CENPP: variants seen among roughly 807,000 people sequenced by gnomAD.
CENPP encodes centromere protein P.
CENPP carries 24 observed loss-of-function variants against 35.6 expected under a neutral mutation model. The observed-to-expected ratio is 0.67, with a 90% CI of 0.49 to 0.95. The LOEUF is 0.95. Ranked by LOEUF, CENPP falls within the 40% of genes least tolerant of loss-of-function variation. CENPP has a pLI of 0.00. For synonymous variants in CENPP, 120 were observed against 125.5 expected, an observed-to-expected ratio of 0.96 and a Z score of 0.29; for missense variants, 332 against 345.3, an observed-to-expected ratio of 0.96 and a Z score of 0.31.
chr9:92,386,292 A>G, intron 5 of CENPP: 3 of 1,609,182 alleles, frequency 1.9e-6, no homozygotes, highest in East Asian at 2.2e-5. Flanking sequence ...GAGGTTATTC[A>G]GTTTCTGTAA....
At chr9:92,523,938 C>T (rs926710506) in intron 5 of CENPP, among the ~76,000 whole-genome samples, 1 of 152,202 alleles carries the variant, frequency 6.6e-6, no homozygotes, top group African/African-American at 2.4e-5. Flanking sequence ...TGCAGGCACT[C>T]CATAAGCCTT....
At chr9:92,570,864 A>G (rs978924170) in intron 5 of CENPP, among the ~76,000 whole-genome samples, 31 of 152,132 alleles carry the variant, frequency 2.0e-4, no homozygotes, top group African/African-American at 5.8e-4. Flanking sequence ...GTTTATTTGC[A>G]TAGAGGTGTT....
rs561543639 is a variant in CENPP at position 92,572,941 on chromosome 9, C to A, written c.565-38373C>A. On this transcript the variant is annotated intron_variant, in intron 5 of 7. Transcript: ENST00000375587. ...CTTGTGCCATGGTTTTCAGCTCCAT[C>A]AGGTCATTTAAGGTCTTCTCTATGC... Among the ~76,000 whole-genome samples the A allele has an allele frequency of 5.7e-4, 87 of 152,308 alleles. 1 individual carries two copies. Among genetic ancestry groups the A allele is most frequent in the African/African-American group, 2.1e-3 (87 of 41,558 alleles).
At chr9:92,468,245 CTG>C (rs1845384479) in intron 5 of CENPP, among the ~76,000 whole-genome samples, 1 of 152,176 alleles carries the variant, frequency 6.6e-6, no homozygotes. Flanking sequence ...TAATACAAAA[CTG>C]TGTAAGAGGT....
chr9:92,515,293 T>G (rs983699836), intron 5 of CENPP: 1 of 1,351,110 alleles, frequency 7.4e-7, no homozygotes, highest in African/African-American at 1.5e-5. Context: ...TAGTAAATAT[T>G]ATTCCCTCCA....
intron 4 of CENPP, among the ~76,000 whole-genome samples, chr9:92,370,576 G>C (rs981488109): frequency 4.6e-5 from 7 of 152,100 alleles, no homozygotes; most frequent in Admixed American, 6.5e-5. Context: ...CGCTTTCCGG[G>C]TTCAAGCGAT....
rs1470017922 is a variant in CENPP at position 92,617,559 on chromosome 9, T to G, written c.*4410T>G. On this transcript the variant is annotated 3_prime_UTR_variant, in exon 8 of 8. Coordinates refer to ENST00000375587, the MANE Select transcript of CENPP (RefSeq NM_001012267.3). ...AGGCCCCAGGGACACACCTGTCCCT[T>G]GTGCCACAAGTGTGCCCTCTAGCAG... 6.5e-6 allele frequency: 1 copy of G among 152,858 alleles called. No individual in the cohort carries two copies. Among genetic ancestry groups the G allele is most frequent in the Admixed American group, 6.5e-5 (1 of 15,332 alleles). 9.5% of individuals were successfully genotyped at this position (152,858 alleles called of 1,614,324 possible). A position where few individuals can be genotyped will look rare whatever the true frequency, so the allele number is the denominator to read the frequency against.
intron 3 of CENPP, among the ~76,000 whole-genome samples, chr9:92,343,794 T>A (rs926525378): frequency 1.3e-5 from 2 of 151,642 alleles, no homozygotes; most frequent in African/African-American, 2.4e-5. Flanking sequence ...AAATATATAT[T>A]TTTTTAAATA....
intron 5 of CENPP, among the ~76,000 whole-genome samples, chr9:92,591,369 A>C (rs1288361174): frequency 6.6e-6 from 1 of 151,984 alleles, no homozygotes; most frequent in Non-Finnish European, 1.5e-5. Flanking sequence ...CAGTGAGCCG[A>C]GATTGCGCCA....
chr9:92,471,353 C>T (rs537812573), intron 5 of CENPP, among the ~76,000 whole-genome samples: 10 of 151,924 alleles, frequency 6.6e-5, no homozygotes, highest in South Asian at 2.1e-4. Flanking sequence ...TGTGCCACCA[C>T]GCCTGGCTAA....
intron 5 of CENPP, chr9:92,501,125 G>C (rs7861257): frequency 0.03 from 44,664 of 1,469,270 alleles, 800 homozygotes; most frequent in Non-Finnish European, 0.036. Flanking sequence ...TTTTGATAAG[G>C]CCAGTCTCGA....
intron 5 of CENPP, among the ~76,000 whole-genome samples, chr9:92,515,423 A>ATAC (rs1163025050): frequency 2.0e-5 from 3 of 152,208 alleles, no homozygotes; most frequent in African/African-American, 7.2e-5. Context: ...GTGGGCCTTA[A>ATAC]TACTAATTTT....
At chr9:92,612,687 G>C in intron 7 of CENPP, 73 bp downstream of exon 7, 2 of 1,051,876 alleles carry the variant, frequency 1.9e-6, no homozygotes, top group Non-Finnish European at 3.0e-6. Flanking sequence ...TGTTTCCTCT[G>C]GGTTTCAAAG....
intron 5 of CENPP, among the ~76,000 whole-genome samples, chr9:92,589,884 C>CT (rs978794529): frequency 6.6e-6 from 1 of 152,048 alleles, no homozygotes; most frequent in African/African-American, 2.4e-5. Context: ...TTTCCTGACT[C>CT]TATCAGTTTT....
chr9:92,423,912 G>T (rs1179533869), intron 5 of CENPP, among the ~76,000 whole-genome samples: 3 of 152,030 alleles, frequency 2.0e-5, no homozygotes, highest in Non-Finnish European at 4.4e-5. Flanking sequence ...GAAAGAGATT[G>T]ATTCCTTTAA....
intron 5 of CENPP, among the ~76,000 whole-genome samples, chr9:92,581,651 A>G (rs1415817248): frequency 1.3e-5 from 2 of 152,220 alleles, no homozygotes; most frequent in East Asian, 3.9e-4. Flanking sequence ...ATAGAAACTG[A>G]GAGAATTTAC....
intron 5 of CENPP, among the ~76,000 whole-genome samples, chr9:92,578,471 G>A (rs1850339812): frequency 6.6e-6 from 1 of 151,918 alleles, no homozygotes; most frequent in South Asian, 2.1e-4. Context: ...GTTGTTTCCT[G>A]ACTTTTTAAT....
chr9:92,325,695 G>A, upstream of CENPP: 1 of 350,100 alleles, frequency 2.9e-6, no homozygotes. Flanking sequence ...AAGGCTGCCG[G>A]CTAGGGTGAG....
chr9:92,459,804 CAGATGGTT>C (rs1403947530), intron 5 of CENPP: 2 of 1,606,406 alleles, frequency 1.2e-6, no homozygotes, highest in African/African-American at 2.7e-5. Flanking sequence ...AAGTCTTACA[CAGATGGTT>C]AGGTGTGATA....
Sources: allele counts gnomAD v4.1 joint callset (sites outside exome capture counted in the v4.1 genomes callset), GRCh38; gene constraint gnomAD v4.1.1; transcripts MANE v1.5; gene names NCBI Gene and HGNC (gene_info 2026-07-23, HGNC 2026-07-21).